ECHDC1: variants seen among roughly 807,000 people sequenced by gnomAD.
ECHDC1 encodes the protein ethylmalonyl-CoA decarboxylase.
ECHDC1 carries 29 observed loss-of-function variants against 29.7 expected under a neutral mutation model. The ratio of observed to expected loss-of-function variants is 0.98; its 90% CI spans 0.73 to 1.33. ECHDC1 has a LOEUF of 1.33. Ranked by LOEUF, ECHDC1 falls within the 40% of genes most tolerant of loss-of-function variation. The pLI, the probability that ECHDC1 is intolerant of heterozygous loss-of-function variation, is 0.00. For missense variants in ECHDC1, 328 were observed against 350.0 expected, an observed-to-expected ratio of 0.94 and a Z score of 0.50; for synonymous variants, 126 against 123.1, an observed-to-expected ratio of 1.02 and a Z score of -0.15.
In ECHDC1 at chr6:127,289,730, T is replaced by C; in HGVS notation, c.*139A>G. The C allele has an allele frequency of 1.1e-6, 1 of 874,852 alleles. No individual in the cohort carries two copies. Among genetic ancestry groups the C allele is most frequent in the East Asian group, 2.7e-5 (1 of 37,354 alleles). The allele number at this position is 874,852 out of a possible 1,614,324, so 54.2% of individuals were successfully genotyped here. A position where few individuals can be genotyped will look rare whatever the true frequency, so the allele number is the denominator to read the frequency against. On this transcript the variant is annotated 3_prime_UTR_variant, in exon 6 of 6. Transcript: ENST00000454859. Reference sequence around the variant, plus strand: ...AAGAAATGAGGTAAATGAGTTCAGATATTCAAATGATTAAAAGTAAGTCTG... The same window carrying C: ...AAGAAATGAGGTAAATGAGTTCAGACATTCAAATGATTAAAAGTAAGTCTG...
chr6:127,334,767 A>T (rs1200814266), intron 1 of ECHDC1, among the ~76,000 whole-genome samples: 3 of 152,034 alleles, frequency 2.0e-5, no homozygotes, highest in Admixed American at 2.0e-4. Context: ...TAAAAACTGA[A>T]TTTCTATATT....
intron 1 of ECHDC1, among the ~76,000 whole-genome samples, chr6:127,337,730 C>A (rs1235059146): frequency 6.6e-6 from 1 of 152,166 alleles, no homozygotes; most frequent in Non-Finnish European, 1.5e-5. Flanking sequence ...CACCTATATT[C>A]TCATGACAGG....
intron 3 of ECHDC1, among the ~76,000 whole-genome samples, chr6:127,319,181 G>A (rs974355249): frequency 6.6e-6 from 1 of 152,112 alleles, no homozygotes; most frequent in African/African-American, 2.4e-5. Flanking sequence ...TGAAGTAAAC[G>A]GTTAGGAGCA....
chr6:127,311,108 A>G (rs544180782), intron 5 of ECHDC1, among the ~76,000 whole-genome samples: 6 of 152,304 alleles, frequency 3.9e-5, no homozygotes, highest in Non-Finnish European at 8.8e-5. Context: ...CTTTATTGTG[A>G]TATTAACTTT....
At chr6:127,316,212 G>T in intron 4 of ECHDC1, 3 of 463,546 alleles carry the variant, frequency 6.5e-6, no homozygotes, top group East Asian at 4.5e-5. Context: ...AGCTCTTTAG[G>T]GGATATGTCT....
At chr6:127,295,596 A>T (rs1780532788) in intron 5 of ECHDC1, among the ~76,000 whole-genome samples, 1 of 152,246 alleles carries the variant, frequency 6.6e-6, no homozygotes, top group African/African-American at 2.4e-5. Context: ...ATTATAAAAG[A>T]TATCTTAAAA....
chr6:127,314,669 CT>C (rs1295482102), intron 5 of ECHDC1, 146 bp downstream of exon 5: 7 of 624,118 alleles, frequency 1.1e-5, no homozygotes, highest in Non-Finnish European at 1.9e-5. Context: ...AAATTATCTA[CT>C]TTAATGACTG....
At chr6:127,312,139 T>C (rs774283314) in intron 5 of ECHDC1, among the ~76,000 whole-genome samples, 2 of 152,146 alleles carry the variant, frequency 1.3e-5, no homozygotes, top group African/African-American at 4.8e-5. Context: ...AAAGTAGAGA[T>C]AGACATAGAC....
At chr6:127,332,410 GAC>G (rs1157336536) in intron 1 of ECHDC1, among the ~76,000 whole-genome samples, 2 of 152,150 alleles carry the variant, frequency 1.3e-5, no homozygotes, top group Admixed American at 6.5e-5. Context: ...ATGCACTCAA[GAC>G]ACAGACTCAG....
rs1779951459 is a variant in ECHDC1 at position 127,289,734 on chromosome 6, C to T, written c.*135G>A. 4.4e-6 allele frequency: 4 copies of T among 916,148 alleles called. No individual in the cohort carries two copies. The highest frequency in any genetic ancestry group is 6.3e-6 in the Non-Finnish European group (4 of 635,278). 56.8% of individuals were successfully genotyped at this position (916,148 alleles called of 1,614,324 possible). A position where few individuals can be genotyped will look rare whatever the true frequency, so the allele number is the denominator to read the frequency against. ...AATGAGGTAAATGAGTTCAGATATT[C>T]AAATGATTAAAAGTAAGTCTGCATA... On this transcript the variant is annotated 3_prime_UTR_variant, in exon 6 of 6. Transcript: ENST00000454859.
At chr6:127,315,923 C>A in intron 4 of ECHDC1, 1 of 470,144 alleles carries the variant, frequency 2.1e-6, no homozygotes, top group African/African-American at 2.0e-5. Flanking sequence ...AGTTTGTAAC[C>A]TCAAACATAC....
intron 5 of ECHDC1, among the ~76,000 whole-genome samples, chr6:127,307,630 G>A (rs1781536714): frequency 1.5e-5 from 1 of 66,872 alleles, no homozygotes; most frequent in Admixed American, 2.0e-4. Flanking sequence ...CTGGGTGACA[G>A]AGTGATACTC....
chr6:127,341,319 T>C (rs940137078), intron 1 of ECHDC1, among the ~76,000 whole-genome samples: 3 of 152,208 alleles, frequency 2.0e-5, no homozygotes, highest in Non-Finnish European at 4.4e-5. Context: ...TTCGTCCCAG[T>C]TCTAAATTCA....
chr6:127,310,799 C>T (rs1185243837), intron 5 of ECHDC1, among the ~76,000 whole-genome samples: 1 of 152,130 alleles, frequency 6.6e-6, no homozygotes, highest in Non-Finnish European at 1.5e-5. Flanking sequence ...GTGAAACAGT[C>T]AATCGGTTAA....
chr6:127,317,562 A>G (rs1488522687), intron 3 of ECHDC1, among the ~76,000 whole-genome samples: 1 of 152,150 alleles, frequency 6.6e-6, no homozygotes, highest in Admixed American at 6.6e-5. Flanking sequence ...AAAAAATTGC[A>G]CTATTTGACT....
At chr6:127,307,305 A>G (rs996158936) in intron 5 of ECHDC1, among the ~76,000 whole-genome samples, 1 of 152,166 alleles carries the variant, frequency 6.6e-6, no homozygotes, top group Non-Finnish European at 1.5e-5. Flanking sequence ...AGAAATACTA[A>G]AGATCAGAGC....
chr6:127,289,744 A>AAAGT lies in ECHDC1; in HGVS notation c.*121_*124dup. The AAAGT allele has an allele frequency of 1.0e-6, 1 of 991,682 alleles. No individual in the cohort carries two copies. The highest frequency in any genetic ancestry group is 2.6e-5 in the East Asian group (1 of 38,270). The allele number at this position is 991,682 out of a possible 1,614,324, so 61.4% of individuals were successfully genotyped here. ...ATGAGTTCAGATATTCAAATGATTA[A>AAAGT]AAGTAAGTCTGCATATTAATAGTAG... On this transcript the variant is annotated 3_prime_UTR_variant, in exon 6 of 6. Coordinates refer to ENST00000454859, the MANE Select transcript of ECHDC1 (RefSeq NM_001002030.2).
intron 1 of ECHDC1, among the ~76,000 whole-genome samples, chr6:127,334,750 T>C (rs921888235): frequency 2.6e-5 from 4 of 152,216 alleles, no homozygotes; most frequent in Admixed American, 2.0e-4. Context: ...AAATCCCCAA[T>C]CATTTTTAAA....
intron 5 of ECHDC1, among the ~76,000 whole-genome samples, chr6:127,300,391 C>T (rs569259229): frequency 1.3e-5 from 2 of 152,278 alleles, no homozygotes; most frequent in African/African-American, 4.8e-5. Flanking sequence ...GCAAAAGAGA[C>T]TGCAGATGTA....
Sources: allele counts gnomAD v4.1 joint callset (sites outside exome capture counted in the v4.1 genomes callset), GRCh38; gene constraint gnomAD v4.1.1; transcripts MANE v1.5; gene names NCBI Gene and HGNC (gene_info 2026-07-23, HGNC 2026-07-21).